Variants in ARSG observed in about 807,000 individuals in gnomAD.
ARSG encodes arylsulfatase G, also known as ASG.
ARSG carries 37 observed loss-of-function variants against 50.5 expected under a neutral mutation model. That is an observed-to-expected ratio of 0.73 (90% confidence interval 0.56 to 0.96). The LOEUF (loss-of-function observed/expected upper bound fraction) is 0.96. Among genes scored for constraint, ARSG ranks in the 50% least tolerant of loss-of-function variants. ARSG has a pLI of 0.00. For missense variants in ARSG, 629 were observed against 675.3 expected, an observed-to-expected ratio of 0.93 and a Z score of 0.76; for synonymous variants, 225 against 254.6, an observed-to-expected ratio of 0.88 and a Z score of 1.11.
At chr17:68,278,384 C>T in intron 1 of ARSG, 7 of 1,114,332 alleles carry the variant, frequency 6.3e-6, no homozygotes, top group Non-Finnish European at 9.4e-6. Context: ...ATCGATGATT[C>T]TCATACTCTT....
chr17:68,306,699 A>T (rs942952032), intron 1 of ARSG, among the ~76,000 whole-genome samples: 1 of 152,194 alleles, frequency 6.6e-6, no homozygotes, highest in African/African-American at 2.4e-5. Flanking sequence ...CAATATCCTC[A>T]TCTCTACAGT....
intron 2 of ARSG, among the ~76,000 whole-genome samples, chr17:68,339,649 C>T (rs904602201): frequency 5.3e-5 from 8 of 152,120 alleles, no homozygotes; most frequent in Non-Finnish European, 1.0e-4. Flanking sequence ...AAATTACTTC[C>T]TTGTGGTGTC....
chr17:68,361,867 G>C (rs1277693761), intron 6 of ARSG, among the ~76,000 whole-genome samples: 1 of 152,114 alleles, frequency 6.6e-6, no homozygotes, highest in Admixed American at 6.6e-5. Flanking sequence ...AGTGAGCCGA[G>C]ATCATGCCAT....
chr17:68,336,012 C>T (rs1293625052), intron 2 of ARSG, among the ~76,000 whole-genome samples: 3 of 152,138 alleles, frequency 2.0e-5, no homozygotes, highest in Non-Finnish European at 2.9e-5. Flanking sequence ...GATTCTTCTG[C>T]CTCAGCCTCC....
At chr17:68,368,903 G>T (rs561794932) in intron 7 of ARSG, among the ~76,000 whole-genome samples, 159 bp downstream of exon 7, 1 of 152,326 alleles carries the variant, frequency 6.6e-6, no homozygotes, top group South Asian at 2.1e-4. Context: ...TGAATGCTGA[G>T]CACCTGTCCA....
the ARSG span, chr17:68,444,699 G>T: frequency 1.2e-6 from 1 of 828,264 alleles, no homozygotes; most frequent in Non-Finnish European, 1.8e-6. Flanking sequence ...TAAGCCTAAA[G>T]CAGAATTTTG....
At chr17:68,379,004 C>G (rs529523530) in intron 8 of ARSG, among the ~76,000 whole-genome samples, 1 of 152,094 alleles carries the variant, frequency 6.6e-6, no homozygotes, top group African/African-American at 2.4e-5. Context: ...GGCTGTTGGC[C>G]CTGGCTGGGG....
chr17:68,366,207 G>A (rs2079538311), intron 6 of ARSG, among the ~76,000 whole-genome samples: 1 of 151,644 alleles, frequency 6.6e-6, no homozygotes, highest in Admixed American at 6.6e-5. Flanking sequence ...CCAAAGTGCT[G>A]GGATTACAGG....
chr17:68,335,997 C>G (rs1336793468), intron 2 of ARSG, among the ~76,000 whole-genome samples: 1 of 152,134 alleles, frequency 6.6e-6, no homozygotes, highest in African/African-American at 2.4e-5. Context: ...CTCCCAGTTT[C>G]AAGCGATTCT....
At chr17:68,268,285 C>T (rs2075216962) in intron 1 of ARSG, 1 of 152,510 alleles carries the variant, frequency 6.6e-6, no homozygotes, top group African/African-American at 2.4e-5. Context: ...ATTAAAGACA[C>T]TACAGTCACA....
intron 6 of ARSG, among the ~76,000 whole-genome samples, chr17:68,361,833 T>C (rs910739345): frequency 6.6e-6 from 1 of 152,084 alleles, no homozygotes; most frequent in African/African-American, 2.4e-5. Context: ...AGGAGAATGC[T>C]TGAACCCAGG....
downstream of ARSG, chr17:68,426,250 G>GGGGGGGGGGGGGGGA: frequency 2.4e-6 from 2 of 828,060 alleles, no homozygotes; most frequent in Non-Finnish European, 1.9e-6. Flanking sequence ...GGTGGGGAGC[G>GGGGGGGGGGGGGGGA]GGGGCTCAAA....
chr17:68,412,119 C>T (rs1041063793), intron 11 of ARSG, among the ~76,000 whole-genome samples: 2 of 152,180 alleles, frequency 1.3e-5, no homozygotes, highest in African/African-American at 4.8e-5. Flanking sequence ...AGTCCATTTA[C>T]ATTTAAAGTT....
chr17:68,428,485 G>T, the ARSG span: 1 of 206,842 alleles, frequency 4.8e-6, no homozygotes, highest in Non-Finnish European at 9.9e-6. Context: ...CACCCGCTTC[G>T]GCCTCCCAAA....
chr17:68,291,824 A>C (rs1555756216), intron 1 of ARSG, among the ~76,000 whole-genome samples: 1 of 150,140 alleles, frequency 6.7e-6, no homozygotes, highest in Non-Finnish European at 1.5e-5. Context: ...CGGCGCGCCC[A>C]CCGCCCAGTC....
intron 7 of ARSG, among the ~76,000 whole-genome samples, 176 bp downstream of exon 7, chr17:68,368,920 C>T (rs2079685652): frequency 6.6e-6 from 1 of 152,236 alleles, no homozygotes. Flanking sequence ...TCCATTGGGG[C>T]CTCCAAGGCC....
chr17:68,439,238 TCA>T, the ARSG span, among the ~76,000 whole-genome samples: 1 of 152,182 alleles, frequency 6.6e-6, no homozygotes, highest in Non-Finnish European at 1.5e-5. Context: ...CCAAATGTTA[TCA>T]ACTGATAAAT....
At chr17:68,313,550 TCTTAA>T (rs1357848588) in intron 2 of ARSG, among the ~76,000 whole-genome samples, 3 of 152,184 alleles carry the variant, frequency 2.0e-5, no homozygotes, top group East Asian at 1.9e-4. Context: ...TATGACCTCA[TCTTAA>T]CTTAATGACA....
chr17:68,307,759 C>A, intron 2 of ARSG, 48 bp downstream of exon 2: 3 of 1,049,600 alleles, frequency 2.9e-6, no homozygotes, highest in South Asian at 1.3e-5. Flanking sequence ...GTCTTACTCC[C>A]GTTCTTGAGA....
Sources: allele counts gnomAD v4.1 joint callset (sites outside exome capture counted in the v4.1 genomes callset), GRCh38; gene constraint gnomAD v4.1.1; transcripts MANE v1.5; gene names NCBI Gene and HGNC (gene_info 2026-07-23, HGNC 2026-07-21).